GNAQ: variants seen among roughly 807,000 people sequenced by gnomAD.
GNAQ encodes G protein subunit alpha q.
GNAQ carries 8 observed loss-of-function variants against 43.9 expected under a neutral mutation model. That is an observed-to-expected ratio of 0.18 (90% CI 0.11 to 0.33). GNAQ has a LOEUF of 0.33. GNAQ is among the 10% of genes least tolerant of loss of function. The probability of loss-of-function intolerance (pLI) is 1.00; values close to 1 mark genes in which losing one functional copy is unlikely to be tolerated. For missense variants in GNAQ, 158 were observed against 450.8 expected (o/e 0.35, Z 5.88); for synonymous variants, 155 against 170.7 (o/e 0.91, Z 0.71).
chr9:77,906,058 T>A (rs1448356468), intron 2 of GNAQ, among the ~76,000 whole-genome samples: 1 of 152,032 alleles, frequency 6.6e-6, no homozygotes, highest in Non-Finnish European at 1.5e-5. Flanking sequence ...GTAACAAACC[T>A]GCACATTCTG....
chr9:78,013,112 G>C (rs1234965048), intron 1 of GNAQ, among the ~76,000 whole-genome samples: 2 of 152,066 alleles, frequency 1.3e-5, no homozygotes, highest in Non-Finnish European at 2.9e-5. Flanking sequence ...CAGAATAAAG[G>C]AAATGTAAGT....
chr9:77,915,649 TG>T (rs1037104994), intron 2 of GNAQ, among the ~76,000 whole-genome samples: 1 of 78,120 alleles, frequency 1.3e-5, no homozygotes, highest in Non-Finnish European at 2.6e-5. Context: ...CTGGCGGGGG[TG>T]GGGGTGGTGT....
At chr9:77,773,810 T>C (rs1434744768) in intron 5 of GNAQ, among the ~76,000 whole-genome samples, 5 of 152,218 alleles carry the variant, frequency 3.3e-5, no homozygotes, top group East Asian at 3.8e-4. Flanking sequence ...ATGGCACATA[T>C]ATTATACTGC....
chr9:77,884,111 A>G (rs1482395481), intron 2 of GNAQ, among the ~76,000 whole-genome samples: 2 of 152,174 alleles, frequency 1.3e-5, no homozygotes, highest in Non-Finnish European at 2.9e-5. Flanking sequence ...ACAAAAAGAG[A>G]CAGCCAGCCC....
chr9:77,820,847 T>C (rs1827102095), intron 2 of GNAQ, among the ~76,000 whole-genome samples: 1 of 152,178 alleles, frequency 6.6e-6, no homozygotes, highest in Non-Finnish European at 1.5e-5. Flanking sequence ...AGTTTCTTCA[T>C]CTATAAGATG....
chr9:77,922,196 T>C lies in GNAQ; in HGVS notation c.286A>G (p.Thr96Ala). Reference sequence around the variant, plus strand: ...TCATACTTGTATGGGATCTTGAGTGTGTCCATGGCTCTGATCATGGCCTGC... The same window carrying C: ...TCATACTTGTATGGGATCTTGAGTGCGTCCATGGCTCTGATCATGGCCTGC... ...AMQAMIRAMD[T>A]LKIPYKYEHN... The change falls in exon 2 of 7, where the codon ACA (threonine) becomes GCA (alanine). Residue 96 changes from threonine to alanine, a missense_variant. This residue lies in a region of GNAQ where 57 missense variants were observed against 78.2 expected (regional missense o/e 0.73). Transcript: ENST00000286548. 2.5e-6 allele frequency: 4 copies of C among 1,569,382 alleles called. No homozygotes were observed. Among genetic ancestry groups the C allele is most frequent in the Non-Finnish European group, 3.5e-6 (4 of 1,147,790 alleles).
chr9:77,971,520 G>A lies in GNAQ; in HGVS notation c.137-49175C>T, dbSNP rs574885395. On this transcript the variant is annotated intron_variant, in intron 1 of 6. Transcript: ENST00000286548. The stretch of plus-strand genomic sequence containing the variant: ...AATCCATCACATGAACAGAACCAAC[G>A]ACAAAAACCACATGATCGTCTCAAT... Among the ~76,000 whole-genome samples the A allele has an allele frequency of 5.3e-5, 8 of 152,252 alleles. No homozygotes were observed. In the South Asian group the frequency reaches 8.3e-4, roughly 16 times the overall value.
intron 1 of GNAQ, among the ~76,000 whole-genome samples, chr9:77,989,894 C>G (rs1823487622): frequency 6.6e-6 from 1 of 152,160 alleles, no homozygotes; most frequent in South Asian, 2.1e-4. Flanking sequence ...AACAGATGAC[C>G]TTTCCCCTTT....
chr9:77,785,039 A>C (rs1438433830), intron 5 of GNAQ, among the ~76,000 whole-genome samples: 1 of 152,228 alleles, frequency 6.6e-6, no homozygotes, highest in Non-Finnish European at 1.5e-5. Flanking sequence ...ATTGGGCTGA[A>C]TAGTGACTCT....
intron 2 of GNAQ, among the ~76,000 whole-genome samples, chr9:77,879,640 G>A (rs1828180076): frequency 1.3e-5 from 2 of 152,090 alleles, no homozygotes; most frequent in African/African-American, 4.8e-5. Flanking sequence ...TTACTTTCTT[G>A]GCAATCACTT....
chr9:77,722,800 G>T (rs552347231), intron 6 of GNAQ, among the ~76,000 whole-genome samples: 2 of 151,934 alleles, frequency 1.3e-5, no homozygotes, highest in Non-Finnish European at 2.9e-5. Flanking sequence ...GAAACTATAG[G>T]TGCCACCAAG....
At chr9:77,898,353 T>C (rs2118144380) in intron 2 of GNAQ, among the ~76,000 whole-genome samples, 1 of 152,344 alleles carries the variant, frequency 6.6e-6, no homozygotes, top group East Asian at 1.9e-4. Context: ...CATCTTTAGT[T>C]AAAATAATAA....
At chr9:77,941,713 G>C (rs1343237431) in intron 1 of GNAQ, among the ~76,000 whole-genome samples, 4 of 152,068 alleles carry the variant, frequency 2.6e-5, no homozygotes, top group Admixed American at 6.6e-5. Context: ...AACATTCAAC[G>C]ATAAGGAATG....
At chr9:77,808,186 A>T (rs1826857257) in intron 3 of GNAQ, among the ~76,000 whole-genome samples, 1 of 152,008 alleles carries the variant, frequency 6.6e-6, no homozygotes, top group Non-Finnish European at 1.5e-5. Context: ...AAAAATGATA[A>T]ACTGGGGCTA....
At chr9:78,022,135 C>G (rs958031511) in intron 1 of GNAQ, among the ~76,000 whole-genome samples, 11 of 152,158 alleles carry the variant, frequency 7.2e-5, no homozygotes, top group African/African-American at 2.4e-4. Context: ...TTACAGAGGT[C>G]AAAGAGAAGA....
chr9:77,821,760 T>C (rs916751526), intron 2 of GNAQ, among the ~76,000 whole-genome samples: 1 of 151,054 alleles, frequency 6.6e-6, no homozygotes, highest in Non-Finnish European at 1.5e-5. Context: ...TGTGTGTGTA[T>C]GTATGTATGC....
At chr9:77,934,494 G>A (rs956558181) in intron 1 of GNAQ, among the ~76,000 whole-genome samples, 2 of 152,024 alleles carry the variant, frequency 1.3e-5, no homozygotes, top group African/African-American at 4.8e-5. Flanking sequence ...CAAGGTAGGG[G>A]AATTAAGGTG....
At chr9:77,833,393 T>C (rs1168362605) in intron 2 of GNAQ, among the ~76,000 whole-genome samples, 7 of 152,244 alleles carry the variant, frequency 4.6e-5, no homozygotes, top group African/African-American at 1.7e-4. Flanking sequence ...TGCCTGTGTT[T>C]CAGGTACCAG....
chr9:78,007,306 G>A (rs1484069914), intron 1 of GNAQ, among the ~76,000 whole-genome samples: 4 of 150,004 alleles, frequency 2.7e-5, no homozygotes, highest in African/African-American at 7.4e-5. Context: ...TTTTGCAAAG[G>A]ACACTTAAAA....
Sources: allele counts gnomAD v4.1 joint callset (sites outside exome capture counted in the v4.1 genomes callset), GRCh38; gene constraint gnomAD v4.1.1; regional missense constraint gnomAD v4.1.1; transcripts MANE v1.5; gene names NCBI Gene and HGNC (gene_info 2026-07-23, HGNC 2026-07-21).